The following KCNAB1 variants were observed in gnomAD, a reference collection of about 807,000 sequenced individuals.
KCNAB1 encodes potassium voltage-gated channel subfamily A regulatory beta subunit 1.
In KCNAB1, 35 loss-of-function variants were observed where a neutral mutation model predicts 64.6. The ratio of observed to expected loss-of-function variants is 0.54; its 90% confidence interval spans 0.41 to 0.72. The LOEUF is 0.72. Ranked by LOEUF, KCNAB1 falls within the 30% of genes least tolerant of loss-of-function variation. The probability of loss-of-function intolerance (pLI) is 0.00; values close to 1 mark genes in which losing one functional copy is unlikely to be tolerated. For missense variants in KCNAB1, 401 were observed against 512.9 expected (o/e 0.78, Z 2.11); for synonymous variants, 177 against 183.8 (o/e 0.96, Z 0.30).
chr3:156,535,349 A>G (rs2108432951), intron 13 of KCNAB1, among the ~76,000 whole-genome samples: 1 of 152,296 alleles, frequency 6.6e-6, no homozygotes, highest in African/African-American at 2.4e-5. Context: ...ACAGGGTCAG[A>G]CTTTTCCAGT....
In KCNAB1 at chr3:156,463,774, A is replaced by C. The variant is rs1440987624; in HGVS notation, c.527+28A>C. The C allele has an allele frequency of 2.6e-6, 4 of 1,557,858 alleles. No individual in the cohort carries two copies. In the South Asian group the frequency reaches 4.6e-5, roughly 18 times the overall value. The stretch of plus-strand genomic sequence containing the variant: ...AAGTTATTTTTCCTACTAAACAGAA[A>C]ACAACTAGTAGTTCATGCTTTTTTG... On this transcript the variant is annotated intron_variant, in intron 6 of 13. Transcript: ENST00000490337.
intron 2 of KCNAB1, among the ~76,000 whole-genome samples, chr3:156,433,874 G>T (rs1380726191): frequency 1.3e-5 from 2 of 152,128 alleles, no homozygotes; most frequent in East Asian, 3.8e-4. Context: ...TTGCCCCGTG[G>T]TTGTATTTAT....
intron 1 of KCNAB1, among the ~76,000 whole-genome samples, chr3:156,307,409 ATTAT>A (rs1207092165): frequency 1.3e-5 from 2 of 151,678 alleles, no homozygotes; most frequent in Non-Finnish European, 2.9e-5. Flanking sequence ...AAGAAAAGAA[ATTAT>A]TTATTATGTT....
chr3:156,366,930 AG>A (rs1327905111), intron 1 of KCNAB1, among the ~76,000 whole-genome samples: 2 of 152,238 alleles, frequency 1.3e-5, no homozygotes, highest in Non-Finnish European at 2.9e-5. Flanking sequence ...TGCTGAGAAT[AG>A]GCATAAAGTT....
chr3:156,302,894 G>C (rs1721251242), intron 1 of KCNAB1, among the ~76,000 whole-genome samples: 1 of 152,178 alleles, frequency 6.6e-6, no homozygotes, highest in Admixed American at 6.6e-5. Context: ...TAATCAGTGA[G>C]ATATGGGAAT....
At position 156,465,741 on chromosome 3, in the gene KCNAB1, G is replaced by A. The variant is rs576689343; in HGVS notation, c.571+55G>A. On this transcript the variant is annotated intron_variant, in intron 7 of 13. Transcript: ENST00000490337. ...GGTTGTGGGCCCCTCATTCAAGAAA[G>A]GTATCAACCAAACAAATTCAGAACA... 7 of 1,416,496 alleles carry A rather than the reference G, an allele frequency of 4.9e-6. No individual in the cohort carries two copies. In the African/African-American group the frequency reaches 5.6e-5, roughly 11 times the overall value. The allele number at this position is 1,416,496 out of a possible 1,614,324, so 87.7% of individuals were successfully genotyped here. A position where few individuals can be genotyped will look rare whatever the true frequency, so the allele number is the denominator to read the frequency against.
At chr3:156,249,607 A>C (rs1717698313) in intron 1 of KCNAB1, among the ~76,000 whole-genome samples, 1 of 152,070 alleles carries the variant, frequency 6.6e-6, no homozygotes. Flanking sequence ...AAGTAAATGC[A>C]GAGGACCTGA....
intron 1 of KCNAB1, among the ~76,000 whole-genome samples, chr3:156,124,615 A>G (rs914792645): frequency 6.6e-6 from 1 of 152,098 alleles, no homozygotes; most frequent in Non-Finnish European, 1.5e-5. Context: ...ATATATATTT[A>G]TTTATTCTTA....
chr3:156,194,800 G>C (rs1713790806), intron 1 of KCNAB1, among the ~76,000 whole-genome samples: 1 of 151,992 alleles, frequency 6.6e-6, no homozygotes, highest in Non-Finnish European at 1.5e-5. Context: ...TTAAGTTCTG[G>C]GATACGTGTG....
intron 1 of KCNAB1, among the ~76,000 whole-genome samples, chr3:156,284,802 G>A (rs1719993171): frequency 6.6e-6 from 1 of 152,178 alleles, no homozygotes; most frequent in Non-Finnish European, 1.5e-5. Context: ...CCCAAGTGAG[G>A]CAATGCCTCA....
intron 1 of KCNAB1, among the ~76,000 whole-genome samples, chr3:156,378,331 T>G (rs1239832213): frequency 6.6e-6 from 1 of 152,058 alleles, no homozygotes; most frequent in African/African-American, 2.4e-5. Context: ...TGGTGGAGCT[T>G]CTCTGACCCT....
At chr3:156,420,911 G>A (rs747206232) in intron 1 of KCNAB1, among the ~76,000 whole-genome samples, 5 of 151,118 alleles carry the variant, frequency 3.3e-5, no homozygotes, top group East Asian at 1.9e-4. Flanking sequence ...TGATGTTCCC[G>A]TGGTAATTTT....
chr3:156,258,465 C>T (rs1269837109), intron 1 of KCNAB1, among the ~76,000 whole-genome samples: 2 of 152,186 alleles, frequency 1.3e-5, no homozygotes, highest in Admixed American at 6.5e-5. Flanking sequence ...ACTAAACCTC[C>T]AGGTGGGCTG....
chr3:156,400,368 A>G (rs532826857), intron 1 of KCNAB1, among the ~76,000 whole-genome samples: 5 of 152,308 alleles, frequency 3.3e-5, no homozygotes, highest in African/African-American at 1.2e-4. Flanking sequence ...CAGCTGCTCT[A>G]GTTTAGACTC....
chr3:156,486,969 A>T (rs1305255004), intron 8 of KCNAB1, among the ~76,000 whole-genome samples: 1 of 152,156 alleles, frequency 6.6e-6, no homozygotes, highest in African/African-American at 2.4e-5. Context: ...TGCTCTACTG[A>T]ATGTTAAGGA....
At chr3:156,248,140 G>T (rs1288946964) in intron 1 of KCNAB1, among the ~76,000 whole-genome samples, 2 of 152,130 alleles carry the variant, frequency 1.3e-5, no homozygotes, top group Admixed American at 6.5e-5. Context: ...TTAACAAATT[G>T]CACTATTTGT....
chr3:156,397,105 G>C (rs1713519965), intron 1 of KCNAB1, among the ~76,000 whole-genome samples: 1 of 152,188 alleles, frequency 6.6e-6, no homozygotes, highest in Admixed American at 6.5e-5. Flanking sequence ...AGGGTAATCA[G>C]AGCAAGGCCT....
intron 2 of KCNAB1, among the ~76,000 whole-genome samples, chr3:156,440,532 G>C (rs1288659856): frequency 6.6e-6 from 1 of 152,222 alleles, no homozygotes; most frequent in Non-Finnish European, 1.5e-5. Flanking sequence ...AATCTCCCAA[G>C]ATTGAAGATG....
intron 11 of KCNAB1, 122 bp downstream of exon 11, chr3:156,516,486 TG>T (rs1191944280): frequency 1.4e-6 from 1 of 709,052 alleles, no homozygotes; most frequent in Non-Finnish European, 2.5e-6. Flanking sequence ...TCCAGGCCAG[TG>T]GCCTCTGGCA....
Sources: gnomAD v4.1 joint callset for allele counts (sites outside exome capture counted in the v4.1 genomes callset) on GRCh38, gnomAD v4.1.1 for gene constraint, MANE v1.5 for transcripts, NCBI Gene and HGNC (gene_info 2026-07-23, HGNC 2026-07-21) for gene names.